Variants in ZSCAN25 observed in about 807,000 individuals in gnomAD.
ZSCAN25 encodes zinc finger and SCAN domain containing 25, also known as zinc finger and SCAN domain-containing protein 25.
ZSCAN25 carries 27 observed loss-of-function variants against 38.7 expected under a neutral mutation model. The ratio of observed to expected loss-of-function variants is 0.70; its 90% CI spans 0.51 to 0.96. The LOEUF is 0.96. Ranked by LOEUF, ZSCAN25 falls within the 40% of genes least tolerant of loss-of-function variation. The pLI is 0.00. For missense variants in ZSCAN25, 637 were observed against 705.9 expected, an observed-to-expected ratio of 0.90 and a Z score of 1.11; for synonymous variants, 273 against 277.7, an observed-to-expected ratio of 0.98 and a Z score of 0.17.
the ZSCAN25 span, chr7:99,705,440 G>A: frequency 6.4e-7 from 1 of 1,560,968 alleles, no homozygotes. Context: ...AGTAATTTGA[G>A]GTCTCTGGTG....
At chr7:99,649,331 A>G in the ZSCAN25 span, among the ~76,000 whole-genome samples, 2 of 152,200 alleles carry the variant, frequency 1.3e-5, no homozygotes, top group Admixed American at 1.3e-4. Flanking sequence ...AGAGTTGCAT[A>G]TTAAATACAC....
chr7:99,704,317 G>C, the ZSCAN25 span, among the ~76,000 whole-genome samples: 8 of 152,086 alleles, frequency 5.3e-5, no homozygotes, highest in Non-Finnish European at 7.4e-5. Context: ...TTTAGATGCA[G>C]TCTCACTCTG....
At chr7:99,696,187 G>A in the ZSCAN25 span, among the ~76,000 whole-genome samples, 4 of 151,906 alleles carry the variant, frequency 2.6e-5, no homozygotes, top group African/African-American at 9.6e-5. Context: ...TATTTAGTAA[G>A]TGGACTCTTC....
chr7:99,713,836 A>G, the ZSCAN25 span, among the ~76,000 whole-genome samples: 1 of 152,208 alleles, frequency 6.6e-6, no homozygotes, highest in Non-Finnish European at 1.5e-5. Flanking sequence ...TTCATCACCA[A>G]TGTCCACAAA....
chr7:99,672,927 A>T, the ZSCAN25 span: 1 of 1,288,780 alleles, frequency 7.8e-7, no homozygotes, highest in Non-Finnish European at 9.8e-7. Flanking sequence ...TGAAAGACAA[A>T]AGAGCTCTTT....
In ZSCAN25 at chr7:99,629,755, A is replaced by G. The variant is rs762982349; in HGVS notation, c.1370A>G (p.Lys457Arg). ...QVHRRTHTGE[K>R]PYTCECGKSF... ...CACCGGAGGACGCACACCGGGGAGA[A>G]GCCCTACACCTGCGAGTGTGGCAAG... is the stretch of plus-strand genomic sequence containing the variant. Residue 457 changes from lysine to arginine, a missense_variant, in exon 8 of 8, where the codon AAG becomes AGG. Coordinates refer to ENST00000394152, the MANE Select transcript of ZSCAN25 (RefSeq NM_145115.3). This position sits in a 1 kb window ranked among gnomAD's most constrained non-coding sequence, Gnocchi z 5.6. The G allele has an allele frequency of 1.2e-6, 2 of 1,614,108 alleles. No homozygotes were observed. The highest frequency in any genetic ancestry group is 2.2e-5 in the South Asian group (2 of 91,094).
At chr7:99,725,526 A>G in the ZSCAN25 span, among the ~76,000 whole-genome samples, 48 of 152,264 alleles carry the variant, frequency 3.2e-4, no homozygotes, top group South Asian at 1.2e-3. Flanking sequence ...AAACCTCCTC[A>G]TGGACCTTGC....
At chr7:99,697,786 C>G in the ZSCAN25 span, among the ~76,000 whole-genome samples, 1 of 152,138 alleles carries the variant, frequency 6.6e-6, no homozygotes, top group African/African-American at 2.4e-5. Context: ...GATCCTTGCC[C>G]CAGAATAGTT....
At chr7:99,677,299 G>A in the ZSCAN25 span, 1 of 970,962 alleles carries the variant, frequency 1.0e-6, no homozygotes, top group Non-Finnish European at 1.2e-6. Context: ...CTGTGAAGCT[G>A]CTAGCCCCAC....
chr7:99,686,758 C>A, the ZSCAN25 span, among the ~76,000 whole-genome samples: 12 of 151,926 alleles, frequency 7.9e-5, no homozygotes, highest in South Asian at 1.9e-3. Flanking sequence ...GCACCCCCCC[C>A]CCAGTAGGGG....
chr7:99,717,522 A>T, the ZSCAN25 span: 1 of 1,613,572 alleles, frequency 6.2e-7, no homozygotes, highest in South Asian at 1.1e-5. Context: ...AGTTATTTTC[A>T]TACCTCCTTG....
At chr7:99,665,922 T>C in the ZSCAN25 span, among the ~76,000 whole-genome samples, 3 of 152,298 alleles carry the variant, frequency 2.0e-5, no homozygotes, top group Admixed American at 2.0e-4. Flanking sequence ...AAGAATGTTC[T>C]GGTTAAAAAA....
intron 6 of ZSCAN25, among the ~76,000 whole-genome samples, chr7:99,622,971 T>C (rs1040532948): frequency 3.9e-5 from 6 of 152,160 alleles, no homozygotes; most frequent in Non-Finnish European, 7.3e-5. Flanking sequence ...CTCGCCTGGC[T>C]AATTTTTTGT....
At chr7:99,695,675 A>C in the ZSCAN25 span, 3 of 1,275,934 alleles carry the variant, frequency 2.4e-6, no homozygotes, top group Admixed American at 5.8e-5. Context: ...GAGGAGAAGC[A>C]GTTTTACTGA....
At chr7:99,722,191 AAG>A in the ZSCAN25 span, 1 of 1,424,990 alleles carries the variant, frequency 7.0e-7, no homozygotes, top group Non-Finnish European at 9.8e-7. Flanking sequence ...TTAGGCTGGC[AAG>A]AGCTTCATCG....
At chr7:99,640,394 G>A in the ZSCAN25 span, among the ~76,000 whole-genome samples, 3 of 152,200 alleles carry the variant, frequency 2.0e-5, no homozygotes, top group African/African-American at 7.2e-5. Context: ...CTGAGCTCAG[G>A]TGATCCATCC....
the ZSCAN25 span, among the ~76,000 whole-genome samples, chr7:99,721,908 C>G: frequency 7.9e-4 from 121 of 152,270 alleles, no homozygotes; most frequent in Middle Eastern, 6.8e-3. Flanking sequence ...AAAGCCCAAC[C>G]CAACCTTACA....
chr7:99,702,617 T>TA, the ZSCAN25 span, among the ~76,000 whole-genome samples: 1 of 152,206 alleles, frequency 6.6e-6, no homozygotes, highest in Non-Finnish European at 1.5e-5. Flanking sequence ...TGTCTGTTTT[T>TA]ATACAAACAC....
the ZSCAN25 span, among the ~76,000 whole-genome samples, chr7:99,696,198 C>T: frequency 1.3e-5 from 2 of 151,688 alleles, no homozygotes; most frequent in African/African-American, 4.8e-5. Context: ...TGGACTCTTC[C>T]CTGATTTGGG....
Sources: gnomAD v4.1 joint callset for allele counts (sites outside exome capture counted in the v4.1 genomes callset) on GRCh38, gnomAD v4.1.1 for gene constraint, Gnocchi (gnomAD v3.1) non-coding constraint, MANE v1.5 for transcripts, NCBI Gene and HGNC (gene_info 2026-07-23, HGNC 2026-07-21) for gene names.